LAMC3: variants seen among roughly 807,000 people sequenced by gnomAD.
The protein encoded by LAMC3 is laminin subunit gamma-3.
A neutral mutation model predicts 173.8 loss-of-function variants in LAMC3; 128 were observed. The observed-to-expected ratio is 0.74, with a 90% CI of 0.64 to 0.85. LAMC3 has a LOEUF of 0.85. LAMC3 is among the 40% of genes least tolerant of loss of function. The pLI, the probability that LAMC3 is intolerant of heterozygous loss-of-function variation, is 0.00. For missense variants in LAMC3, 2,022 were observed against 2,156.0 expected (o/e 0.94, Z 1.23); for synonymous variants, 897 against 909.1 (o/e 0.99, Z 0.24).
rs532902506 is a variant in LAMC3, at chr9:131,028,008, C to T, written c.678+1419C>T. The stretch of plus-strand genomic sequence containing the variant: ...CTCCAGTCCACAGGTCCCCAACCCC[C>T]GGCTGCAGACCGGTACTGGTCCATG... On this transcript the variant is annotated intron_variant, in intron 2 of 27. Transcript: ENST00000361069. Among the ~76,000 whole-genome samples, 4 of 152,334 alleles carry T rather than the reference C, an allele frequency of 2.6e-5. No individual in the cohort carries two copies. In the South Asian group the frequency reaches 8.3e-4, roughly 32 times the overall value.
At chr9:131,038,120 C>T (rs1173955461) in intron 4 of LAMC3, among the ~76,000 whole-genome samples, 14 of 152,246 alleles carry the variant, frequency 9.2e-5, no homozygotes, top group Non-Finnish European at 1.5e-5. Context: ...TCTTCCTCTG[C>T]CTGGCCTATT....
chr9:131,079,082 C>G (rs776633410), intron 22 of LAMC3, 67 bp from the exon 23 acceptor site: 72 of 1,578,500 alleles, frequency 4.6e-5, no homozygotes, highest in Admixed American at 8.9e-5. Flanking sequence ...GGCACCTCCC[C>G]CAAGGAGAGG....
intron 7 of LAMC3, 61 bp downstream of exon 7, chr9:131,041,796 C>A: frequency 1.4e-6 from 2 of 1,458,862 alleles, no homozygotes; most frequent in Non-Finnish European, 1.9e-6. Context: ...ACTGATGAGG[C>A]ACCAAAGCTG....
intron 2 of LAMC3, among the ~76,000 whole-genome samples, chr9:131,027,085 T>G (rs1231683513): frequency 6.6e-6 from 1 of 152,222 alleles, no homozygotes; most frequent in Admixed American, 6.5e-5. Context: ...ATGCCGCTAA[T>G]GAACCAGAAG....
chr9:131,031,924 C>T (rs780010820), intron 2 of LAMC3, 121 bp from the exon 3 acceptor site: 69 of 1,564,178 alleles, frequency 4.4e-5, no homozygotes, highest in Non-Finnish European at 5.5e-5. Flanking sequence ...GGCCTGAGCT[C>T]GGCCTGTTCC....
chr9:131,012,056 CACACAT>C (rs1035373326), intron 1 of LAMC3, among the ~76,000 whole-genome samples: 9 of 115,464 alleles, frequency 7.8e-5, no homozygotes, highest in African/African-American at 4.7e-4. Context: ...CGAACACACA[CACACAT>C]ACACACACAC....
chr9:131,063,325 G>C (rs1829867181), intron 13 of LAMC3, among the ~76,000 whole-genome samples: 2 of 152,208 alleles, frequency 1.3e-5, no homozygotes. Flanking sequence ...CCCCTGGCCT[G>C]CAGACATGCA....
rs113927839 is a variant in LAMC3, at chr9:131,010,470, A to G, written c.373+883A>G. Reference sequence around the variant, plus strand: ...GCTTTGGTTCTAGGTTGCAATTATAATCCCCTGTAATGGTTTTCCATCCTA... The same window carrying G: ...GCTTTGGTTCTAGGTTGCAATTATAGTCCCCTGTAATGGTTTTCCATCCTA... On this transcript the variant is annotated intron_variant, in intron 1 of 27. Coordinates refer to ENST00000361069, the MANE Select transcript of LAMC3 (RefSeq NM_006059.4). 8.4e-3 allele frequency among the ~76,000 whole-genome samples: 1,275 copies of G among 152,338 alleles called. 21 individuals are homozygous for G. Among genetic ancestry groups the G allele is most frequent in the African/African-American group, 0.029 (1,206 of 41,578 alleles).
chr9:131,073,067 C>G (rs991691067), intron 19 of LAMC3, among the ~76,000 whole-genome samples, 178 bp from the exon 20 acceptor site: 23 of 152,310 alleles, frequency 1.5e-4, no homozygotes, highest in African/African-American at 5.3e-4. Context: ...TGGGCTGCAT[C>G]CTTATTGGTG....
chr9:131,060,028 C>A (rs1829776866), intron 12 of LAMC3, among the ~76,000 whole-genome samples: 1 of 152,190 alleles, frequency 6.6e-6, no homozygotes, highest in Non-Finnish European at 1.5e-5. Flanking sequence ...CAGCGGGTCT[C>A]CCTTCCCAAG....
Position 131,035,493 on chromosome 9 carries a change from A to G in LAMC3, c.810-673A>G, listed in dbSNP as rs930146230. 3.0e-4 allele frequency among the ~76,000 whole-genome samples: 46 copies of G among 152,166 alleles called. 1 individual carries two copies. The highest frequency in any genetic ancestry group is 1.5e-5 in the Non-Finnish European group (1 of 68,022). On this transcript the variant is annotated intron_variant, in intron 3 of 27. Coordinates refer to ENST00000361069, the MANE Select transcript of LAMC3 (RefSeq NM_006059.4). ...ACCAGATCTCATGAGAACTCACTCTACAGTACCACGGGGGAGGGTGCTAAA... is the reference window on the plus strand; with the variant it reads ...ACCAGATCTCATGAGAACTCACTCTGCAGTACCACGGGGGAGGGTGCTAAA...
At chr9:131,017,593 T>A (rs1368087086) in intron 1 of LAMC3, among the ~76,000 whole-genome samples, 2 of 148,366 alleles carry the variant, frequency 1.3e-5, no homozygotes, top group Admixed American at 6.8e-5. Context: ...AAGCGTTGTG[T>A]TGGGCGCCTG....
chr9:131,009,983 G>A lies in LAMC3; in HGVS notation c.373+396G>A, dbSNP rs1230194753. ...AGCCTGGCCAACATGGTGAAAACCC[G>A]TCTCTACTAAAAATAGAAAATTTGG... On this transcript the variant is annotated intron_variant, in intron 1 of 27. Coordinates refer to ENST00000361069, the MANE Select transcript of LAMC3 (RefSeq NM_006059.4). The surrounding 1 kb of genome is among the most constrained non-coding windows in gnomAD (Gnocchi z 4.3). Among the ~76,000 whole-genome samples, 5 of 151,634 alleles carry A rather than the reference G, an allele frequency of 3.3e-5. No individual in the cohort carries two copies. Among genetic ancestry groups the A allele is most frequent in the Admixed American group, 6.6e-5 (1 of 15,210 alleles).
At chr9:131,038,045 C>T (rs1205303810) in intron 4 of LAMC3, among the ~76,000 whole-genome samples, 1 of 152,180 alleles carries the variant, frequency 6.6e-6, no homozygotes, top group Non-Finnish European at 1.5e-5. Context: ...GGCCACGCGT[C>T]TGTCTCTGCA....
At position 131,026,596 on chromosome 9, in the gene LAMC3, G is replaced by A. The variant is rs1444386930; in HGVS notation, c.678+7G>A. On this transcript the variant is annotated splice_region_variant and intron_variant, in intron 2 of 27. Transcript: ENST00000361069. The surrounding 1 kb of genome is among the most constrained non-coding windows in gnomAD (Gnocchi z 4.8). Reference sequence around the variant, plus strand: ...GGAGAGCCCTGGGCTGCAGGTCAGGGAGGAGCGGGGCTTCGGAGGTTGGGA... The same window carrying A: ...GGAGAGCCCTGGGCTGCAGGTCAGGAAGGAGCGGGGCTTCGGAGGTTGGGA... 6.4e-7 allele frequency: 1 copy of A among 1,574,134 alleles called. No individual in the cohort carries two copies. The highest frequency in any genetic ancestry group is 1.8e-5 in the Admixed American group (1 of 54,150).
At chr9:131,047,982 A>G (rs1203544315) in intron 8 of LAMC3, among the ~76,000 whole-genome samples, 2 of 149,208 alleles carry the variant, frequency 1.3e-5, no homozygotes, top group African/African-American at 2.5e-5. Context: ...TCTTGACCTC[A>G]TGATCCATCT....
At chr9:131,087,663 T>C (rs747380811) in intron 26 of LAMC3, 41 bp downstream of exon 26, 1 of 1,613,824 alleles carries the variant, frequency 6.2e-7, no homozygotes, top group South Asian at 1.1e-5. Context: ...CTCCTGCCCC[T>C]GGCAGCCCGG....
At chr9:131,032,493 G>T (rs79816124) in intron 3 of LAMC3, among the ~76,000 whole-genome samples, 8 of 104,646 alleles carry the variant, frequency 7.6e-5, no homozygotes, top group African/African-American at 1.3e-4. Context: ...TCTCGCTCTC[G>T]CTCTCTCTCA....
In LAMC3 at chr9:131,032,144, T is replaced by C; in HGVS notation, c.778T>C (p.Tyr260His). Residue 260 changes from tyrosine to histidine, a missense_variant, in exon 3 of 28, where the codon TAT becomes CAT. Physicochemically the swap from Tyr to His is moderately conservative, Grantham distance 83. Transcript: ENST00000361069. The part of the protein sequence containing the change: ...KDPKVLQSYY[Y>H]AVSDFSVGGR... ...CCCCAAGGTGCTCCAGTCCTACTATTATGCCGTGTCCGACTTCTCTGTGGG... is the reference window on the plus strand; with the variant it reads ...CCCCAAGGTGCTCCAGTCCTACTATCATGCCGTGTCCGACTTCTCTGTGGG... 6.2e-7 allele frequency: 1 copy of C among 1,612,016 alleles called. No individual in the cohort carries two copies.
Sources: allele counts gnomAD v4.1 joint callset (sites outside exome capture counted in the v4.1 genomes callset), GRCh38; gene constraint gnomAD v4.1.1; non-coding constraint Gnocchi (gnomAD v3.1); transcripts MANE v1.5; gene names NCBI Gene and HGNC (gene_info 2026-07-23, HGNC 2026-07-21).